CNTN5: variants seen among roughly 807,000 people sequenced by gnomAD.
The protein encoded by CNTN5 is contactin 5, also known as contactin-5.
In CNTN5, 77 loss-of-function variants were observed where a neutral mutation model predicts 129.1. The ratio of observed to expected loss-of-function variants is 0.60; its 90% CI spans 0.50 to 0.72. The LOEUF is 0.72. CNTN5 is among the 30% of genes least tolerant of loss of function. The pLI, the probability that CNTN5 is intolerant of heterozygous loss-of-function variation, is 0.00. For missense variants in CNTN5, 1,478 were observed against 1,328.8 expected (o/e 1.11, Z -1.75); for synonymous variants, 509 against 465.6 (o/e 1.09, Z -1.20).
intron 3 of CNTN5, among the ~76,000 whole-genome samples, chr11:99,711,761 T>G (rs571410443): frequency 2.0e-5 from 3 of 152,180 alleles, no homozygotes; most frequent in Non-Finnish European, 1.5e-5. Flanking sequence ...GTTAGTTTGC[T>G]GAGAATCATG....
chr11:99,752,024 G>A (rs1190647833), intron 3 of CNTN5, among the ~76,000 whole-genome samples: 1 of 148,456 alleles, frequency 6.7e-6, no homozygotes, highest in African/African-American at 2.5e-5. Flanking sequence ...AAATCCACTG[G>A]TACCTTGATT....
At chr11:99,800,709 G>A (rs1427629619) in intron 3 of CNTN5, among the ~76,000 whole-genome samples, 1 of 151,996 alleles carries the variant, frequency 6.6e-6, no homozygotes, top group Non-Finnish European at 1.5e-5. Flanking sequence ...TTTTACTGCT[G>A]TTGGTTTAAA....
At chr11:99,216,348 A>G (rs967279706) in intron 1 of CNTN5, among the ~76,000 whole-genome samples, 3 of 152,118 alleles carry the variant, frequency 2.0e-5, no homozygotes, top group African/African-American at 7.2e-5. Flanking sequence ...TTTAGGGTAG[A>G]ATAACATTTC....
intron 9 of CNTN5, among the ~76,000 whole-genome samples, chr11:100,037,215 A>G (rs549331917): frequency 0.081 from 11,238 of 138,772 alleles, 571 homozygotes; most frequent in Middle Eastern, 0.21. Context: ...TTCTGCATCT[A>G]TTGAGATAAT....
chr11:99,457,696 T>C (rs1944546982), intron 2 of CNTN5, among the ~76,000 whole-genome samples: 1 of 151,806 alleles, frequency 6.6e-6, no homozygotes, highest in Non-Finnish European at 1.5e-5. Flanking sequence ...ATGTATAATT[T>C]TTAAAGATTC....
chr11:99,324,485 A>T (rs1365511451), intron 1 of CNTN5, among the ~76,000 whole-genome samples: 2 of 152,218 alleles, frequency 1.3e-5, no homozygotes, highest in Admixed American at 1.3e-4. Context: ...AATTGCTGAA[A>T]ACAATAAGAA....
At chr11:99,785,793 A>T (rs1021969227) in intron 3 of CNTN5, among the ~76,000 whole-genome samples, 1 of 152,178 alleles carries the variant, frequency 6.6e-6, no homozygotes, top group Non-Finnish European at 1.5e-5. Context: ...AGCCTTTGAT[A>T]AAATTCAGCA....
At chr11:100,160,211 G>C (rs1947399387) in intron 13 of CNTN5, among the ~76,000 whole-genome samples, 1 of 151,782 alleles carries the variant, frequency 6.6e-6, no homozygotes, top group Admixed American at 6.6e-5. Context: ...TGAGAATGAT[G>C]GTTTCCAGCA....
chr11:99,285,666 T>TA (rs1863905367), intron 1 of CNTN5, among the ~76,000 whole-genome samples: 1 of 151,210 alleles, frequency 6.6e-6, no homozygotes, highest in Admixed American at 6.6e-5. Context: ...ACAATAGCAG[T>TA]AGTCAGCAAG....
At chr11:100,286,642 CA>C (rs752711053) in intron 18 of CNTN5, among the ~76,000 whole-genome samples, 3 of 148,928 alleles carry the variant, frequency 2.0e-5, no homozygotes, top group Non-Finnish European at 4.4e-5. Context: ...TAGATAAAAC[CA>C]CAAAGATGGG....
At chr11:100,344,766 T>A (rs995244311) in intron 23 of CNTN5, among the ~76,000 whole-genome samples, 6 of 152,038 alleles carry the variant, frequency 3.9e-5, no homozygotes, top group African/African-American at 1.4e-4. Context: ...AATATATACA[T>A]CTATTATGTA....
chr11:99,517,428 T>C (rs1947099542), intron 2 of CNTN5, among the ~76,000 whole-genome samples: 1 of 152,122 alleles, frequency 6.6e-6, no homozygotes, highest in Admixed American at 6.6e-5. Context: ...TCTCCATTTT[T>C]CATAGGATGT....
intron 1 of CNTN5, among the ~76,000 whole-genome samples, chr11:99,300,424 G>T (rs1055990405): frequency 1.3e-5 from 2 of 151,792 alleles, no homozygotes; most frequent in African/African-American, 4.8e-5. Flanking sequence ...TACATTTATT[G>T]TTTTGTATAT....
intron 1 of CNTN5, among the ~76,000 whole-genome samples, chr11:99,067,171 G>A (rs905827306): frequency 6.6e-6 from 1 of 151,686 alleles, no homozygotes; most frequent in Admixed American, 6.6e-5. Context: ...TTTAATGGAG[G>A]AAACTGCTTA....
chr11:99,998,775 C>A (rs988290527), intron 8 of CNTN5, among the ~76,000 whole-genome samples: 3 of 150,456 alleles, frequency 2.0e-5, no homozygotes, highest in African/African-American at 7.3e-5. Flanking sequence ...GCTACAGTAA[C>A]CAAAATAGCC....
intron 3 of CNTN5, among the ~76,000 whole-genome samples, chr11:99,611,288 A>G (rs1005651216): frequency 6.6e-6 from 1 of 152,186 alleles, no homozygotes; most frequent in Non-Finnish European, 1.5e-5. Flanking sequence ...TCAATAGTGT[A>G]GTCAGTAACA....
rs1941289989 is a variant in CNTN5 at position 100,024,007 on chromosome 11, C to T, written c.980+21871C>T. ...GTTTTGTGTCGATATAAGTTTTCAA[C>T]TCCTTTTGTTATATACCAAGGAGGG... On this transcript the variant is annotated intron_variant, in intron 9 of 24. Coordinates refer to ENST00000524871, the MANE Select transcript of CNTN5 (RefSeq NM_014361.4). Among the ~76,000 whole-genome samples, 5 of 152,304 alleles carry T rather than the reference C, an allele frequency of 3.3e-5. No individual in the cohort carries two copies. In the South Asian group the frequency reaches 1.0e-3, roughly 32 times the overall value.
chr11:99,241,803 A>G (rs1861573846), intron 1 of CNTN5, among the ~76,000 whole-genome samples: 1 of 152,152 alleles, frequency 6.6e-6, no homozygotes. Context: ...GTAGTAAATA[A>G]ATAGATTTAA....
At chr11:99,726,189 C>T (rs965425910) in intron 3 of CNTN5, among the ~76,000 whole-genome samples, 4 of 152,182 alleles carry the variant, frequency 2.6e-5, no homozygotes, top group African/African-American at 9.7e-5. Flanking sequence ...AGGAAACCTA[C>T]ATCCTCCCCA....
Sources: allele counts gnomAD v4.1 joint callset (sites outside exome capture counted in the v4.1 genomes callset), GRCh38; gene constraint gnomAD v4.1.1; transcripts MANE v1.5; gene names NCBI Gene and HGNC (gene_info 2026-07-23, HGNC 2026-07-21).